Variants in SHISA9 observed in about 807,000 individuals in gnomAD.
SHISA9 encodes the protein shisa family member 9, also known as protein shisa-9.
In SHISA9, 13 loss-of-function variants were observed where a neutral mutation model predicts 38.0. That is an observed-to-expected ratio of 0.34 (90% CI 0.22 to 0.54). SHISA9 has a LOEUF of 0.54. Ranked by LOEUF, SHISA9 falls within the 20% of genes least tolerant of loss-of-function variation. SHISA9 has a pLI of 0.91. For missense variants in SHISA9, 538 were observed against 575.8 expected, an observed-to-expected ratio of 0.93 and a Z score of 0.67; for synonymous variants, 275 against 242.0, an observed-to-expected ratio of 1.14 and a Z score of -1.27.
At chr16:13,357,935 G>C in the SHISA9 span, among the ~76,000 whole-genome samples, 1 of 152,246 alleles carries the variant, frequency 6.6e-6, no homozygotes, top group East Asian at 1.9e-4. Context: ...AATGTCATCA[G>C]TTAAGGTGGG....
At position 12,985,766 on chromosome 16, in the gene SHISA9, C is replaced by T. The variant is rs2072300079; in HGVS notation, c.691+68951C>T. 2.6e-5 allele frequency among the ~76,000 whole-genome samples: 4 copies of T among 152,188 alleles called. No individual in the cohort carries two copies. In the South Asian group the frequency reaches 8.3e-4, roughly 32 times the overall value. On this transcript the variant is annotated intron_variant, in intron 2 of 4. Transcript: ENST00000558583. ...TTTGTGGTCTGCAATCTTTGACTTT[C>T]CTGTGCTTTTGCTTCCAACAGCCAG... is the stretch of plus-strand genomic sequence containing the variant.
chr16:13,005,085 A>G (rs571521957), intron 2 of SHISA9, among the ~76,000 whole-genome samples: 1 of 152,178 alleles, frequency 6.6e-6, no homozygotes, highest in South Asian at 2.1e-4. Flanking sequence ...GGGTTAGGCA[A>G]TTAAGACCCT....
At chr16:12,966,518 GTGT>G (rs1183713354) in intron 2 of SHISA9, among the ~76,000 whole-genome samples, 1 of 152,114 alleles carries the variant, frequency 6.6e-6, no homozygotes, top group Admixed American at 6.5e-5. Flanking sequence ...GCCTCCCAAA[GTGT>G]TGTGATTACA....
intron 2 of SHISA9, among the ~76,000 whole-genome samples, chr16:12,926,362 TAA>T (rs2071393510): frequency 6.6e-6 from 1 of 152,144 alleles, no homozygotes; most frequent in Admixed American, 6.6e-5. Context: ...CCAACCGAGA[TAA>T]AGTCACCATT....
In SHISA9 at chr16:13,055,546, C is replaced by T. The variant is rs115135854; in HGVS notation, c.691+138731C>T. 2.7e-3 allele frequency among the ~76,000 whole-genome samples: 405 copies of T among 152,324 alleles called. 1 individual carries two copies. Among genetic ancestry groups the T allele is most frequent in the African/African-American group, 9.1e-3 (380 of 41,572 alleles). ...GATCATGAGAAAGTGTCTTGGCTCT[C>T]ACAGTTTGAATTCCAATTCCAGGAG... On this transcript the variant is annotated intron_variant, in intron 2 of 4. Transcript: ENST00000558583.
intron 2 of SHISA9, among the ~76,000 whole-genome samples, chr16:12,982,982 G>A (rs564485435): frequency 1.3e-5 from 2 of 152,202 alleles, no homozygotes; most frequent in African/African-American, 4.8e-5. Context: ...GGCTATTTGA[G>A]AATTTGAACC....
intron 2 of SHISA9, among the ~76,000 whole-genome samples, chr16:13,081,538 AT>A (rs553748820): frequency 3.6e-3 from 528 of 145,388 alleles, no homozygotes; most frequent in Middle Eastern, 0.011. Context: ...CCTTCAAGGT[AT>A]TTTTTTTTTT....
intron 2 of SHISA9, among the ~76,000 whole-genome samples, chr16:13,103,319 A>G (rs1362615718): frequency 6.6e-6 from 1 of 152,208 alleles, no homozygotes; most frequent in Non-Finnish European, 1.5e-5. Flanking sequence ...GAGTTTCATG[A>G]TTTATCTTTC....
chr16:13,080,149 G>A (rs184790802), intron 2 of SHISA9, among the ~76,000 whole-genome samples: 26 of 152,244 alleles, frequency 1.7e-4, no homozygotes, highest in African/African-American at 4.6e-4. Context: ...CGAGGCAGGA[G>A]GATCACGAGG....
At chr16:13,479,899 T>G in the SHISA9 span, among the ~76,000 whole-genome samples, 29 of 152,326 alleles carry the variant, frequency 1.9e-4, no homozygotes, top group African/African-American at 6.7e-4. Flanking sequence ...TATGTTCTTC[T>G]CAGAAGATAG....
intron 2 of SHISA9, among the ~76,000 whole-genome samples, chr16:13,037,642 A>C (rs886106673): frequency 2.0e-5 from 3 of 152,118 alleles, no homozygotes; most frequent in Non-Finnish European, 4.4e-5. Context: ...TTCCACTCAC[A>C]CTGTTATCAC....
chr16:13,299,578 G>A, the SHISA9 span, among the ~76,000 whole-genome samples: 1 of 152,090 alleles, frequency 6.6e-6, no homozygotes, highest in Non-Finnish European at 1.5e-5. Flanking sequence ...GCCGGGTGTG[G>A]TAGTATATGC....
the SHISA9 span, among the ~76,000 whole-genome samples, chr16:13,469,919 A>C: frequency 6.6e-6 from 1 of 152,142 alleles, no homozygotes; most frequent in African/African-American, 2.4e-5. Context: ...AGCTGTATGA[A>C]GTTTTCCAGG....
chr16:13,329,469 C>T, the SHISA9 span, among the ~76,000 whole-genome samples: 1 of 152,108 alleles, frequency 6.6e-6, no homozygotes, highest in African/African-American at 2.4e-5. Flanking sequence ...CATTGTTGAT[C>T]CTAATTCTTC....
chr16:12,933,072 G>A (rs1003916070), intron 2 of SHISA9, among the ~76,000 whole-genome samples: 4 of 152,190 alleles, frequency 2.6e-5, no homozygotes, highest in African/African-American at 9.6e-5. Context: ...CCTCAAATAC[G>A]TAGTGCCTAA....
At chr16:13,073,882 A>G (rs1188817285) in intron 2 of SHISA9, among the ~76,000 whole-genome samples, 1 of 152,098 alleles carries the variant, frequency 6.6e-6, no homozygotes, top group African/African-American at 2.4e-5. Context: ...GCGCGTCCAG[A>G]AGAAACCAAG....
intron 2 of SHISA9, among the ~76,000 whole-genome samples, chr16:13,143,056 G>C (rs2050416049): frequency 7.4e-6 from 1 of 135,474 alleles, no homozygotes. Context: ...GCCCAGGGTG[G>C]AGTGCAGTGG....
intron 2 of SHISA9, among the ~76,000 whole-genome samples, chr16:13,075,440 T>A (rs1055788881): frequency 1.3e-5 from 2 of 151,426 alleles, no homozygotes; most frequent in Non-Finnish European, 2.9e-5. Context: ...CGTGGGAGGG[T>A]CTTTTGAATC....
intron 2 of SHISA9, among the ~76,000 whole-genome samples, chr16:13,157,848 C>A (rs188288387): frequency 6.6e-6 from 1 of 152,284 alleles, no homozygotes; most frequent in East Asian, 1.9e-4. Flanking sequence ...AGATTTGAGT[C>A]TTGTTCTGAG....
Sources: gnomAD v4.1 joint callset for allele counts (sites outside exome capture counted in the v4.1 genomes callset) on GRCh38, gnomAD v4.1.1 for gene constraint, MANE v1.5 for transcripts, NCBI Gene and HGNC (gene_info 2026-07-23, HGNC 2026-07-21) for gene names.